Variants in ATG7 observed in about 807,000 individuals in gnomAD.
ATG7 encodes the protein ubiquitin-like modifier-activating enzyme ATG7.
A neutral mutation model predicts 82.4 loss-of-function variants in ATG7; 70 were observed. That is an observed-to-expected ratio of 0.85 (90% CI 0.70 to 1.04). ATG7 has a LOEUF of 1.04. Ranked by LOEUF, ATG7 falls within the 50% of genes least tolerant of loss-of-function variation. The pLI, the probability that ATG7 is intolerant of heterozygous loss-of-function variation, is 0.00. For synonymous variants in ATG7, 287 were observed against 313.0 expected (o/e 0.92, Z 0.88); for missense variants, 792 against 864.3 (o/e 0.92, Z 1.05).
intron 12 of ATG7, 33 bp downstream of exon 12, chr3:11,340,768 C>A: frequency 6.3e-7 from 1 of 1,583,440 alleles, no homozygotes; most frequent in East Asian, 2.3e-5. Flanking sequence ...TCCAGTCGGG[C>A]TTTTTGTAAC....
At chr3:11,413,897 C>A (rs2081141638) in intron 19 of ATG7, among the ~76,000 whole-genome samples, 1 of 152,194 alleles carries the variant, frequency 6.6e-6, no homozygotes, top group East Asian at 1.9e-4. Flanking sequence ...CTGATTCAAT[C>A]TCCTTATTGG....
At chr3:11,562,144 G>A (rs1013728716), downstream of ATG7, among the ~76,000 whole-genome samples, 3 of 151,886 alleles carry the variant, frequency 2.0e-5, no homozygotes, top group African/African-American at 7.3e-5. Context: ...GTGATCCGCC[G>A]CCTCAACCCC....
chr3:11,573,091 G>A, the ATG7 span, among the ~76,000 whole-genome samples: 31,791 of 151,218 alleles, frequency 0.21, 3,797 homozygotes, highest in South Asian at 0.3. Context: ...GGCTGAACCC[G>A]GGAGGCGGAG....
chr3:11,319,729 A>T (rs920655219), intron 9 of ATG7, among the ~76,000 whole-genome samples: 2 of 152,168 alleles, frequency 1.3e-5, no homozygotes, highest in African/African-American at 4.8e-5. Flanking sequence ...ACAAGCCAGA[A>T]ATCTGGTTAT....
chr3:11,369,712 T>C (rs1339079967), intron 18 of ATG7, among the ~76,000 whole-genome samples: 1 of 151,104 alleles, frequency 6.6e-6, no homozygotes, highest in African/African-American at 2.4e-5. Flanking sequence ...GGAGGATAAA[T>C]TATAATGTCA....
chr3:11,278,094 ACT>A (rs1194451879), intron 1 of ATG7, among the ~76,000 whole-genome samples: 1 of 152,026 alleles, frequency 6.6e-6, no homozygotes, highest in Non-Finnish European at 1.5e-5. Flanking sequence ...CCTGAAAATC[ACT>A]GTTATTCTGT....
chr3:11,558,610 G>A, downstream of ATG7: 2 of 1,606,968 alleles, frequency 1.2e-6, no homozygotes, highest in Non-Finnish European at 1.7e-6. Flanking sequence ...CAGAGGGGCT[G>A]GCGGGCTGGC....
At chr3:11,309,857 G>A (rs1305204638) in intron 7 of ATG7, among the ~76,000 whole-genome samples, 1 of 152,000 alleles carries the variant, frequency 6.6e-6, no homozygotes, top group Non-Finnish European at 1.5e-5. Flanking sequence ...ATATATTTAG[G>A]TGGTTTCTAA....
At chr3:11,320,708 G>T (rs1380685435) in intron 9 of ATG7, among the ~76,000 whole-genome samples, 1 of 152,238 alleles carries the variant, frequency 6.6e-6, no homozygotes, top group African/African-American at 2.4e-5. Context: ...GCATCCCATG[G>T]CATCATGCCT....
chr3:11,535,771 C>T (rs991034456), intron 20 of ATG7, among the ~76,000 whole-genome samples: 10 of 152,272 alleles, frequency 6.6e-5, no homozygotes, highest in Middle Eastern at 6.8e-3. Context: ...TCTCAATTCC[C>T]GCCTTCCCAA....
chr3:11,331,553 A>G, intron 10 of ATG7, 125 bp downstream of exon 10: 1 of 848,022 alleles, frequency 1.2e-6, no homozygotes, highest in East Asian at 2.5e-5. Flanking sequence ...GGGCATGGAA[A>G]CCAGGTAATC....
the ATG7 span, chr3:11,564,928 G>A: frequency 2.5e-6 from 4 of 1,592,068 alleles, no homozygotes; most frequent in Non-Finnish European, 3.4e-6. Flanking sequence ...TGGCTGCCGT[G>A]CAGGCTCATG....
chr3:11,483,595 G>A (rs1168689458), intron 20 of ATG7, among the ~76,000 whole-genome samples: 1 of 152,212 alleles, frequency 6.6e-6, no homozygotes, highest in Admixed American at 6.5e-5. Flanking sequence ...GAGGTACACA[G>A]AAAGCCCCCA....
intron 19 of ATG7, among the ~76,000 whole-genome samples, chr3:11,391,440 T>G (rs2078794552): frequency 1.3e-5 from 2 of 152,204 alleles, no homozygotes; most frequent in African/African-American, 4.8e-5. Context: ...CGACTTTAGA[T>G]GAGCTGGCAT....
intron 20 of ATG7, among the ~76,000 whole-genome samples, chr3:11,546,285 C>T (rs1247008670): frequency 6.8e-6 from 1 of 147,466 alleles, no homozygotes; most frequent in Non-Finnish European, 1.5e-5. Flanking sequence ...AATTTTCCTG[C>T]CTCAGCCTCC....
At chr3:11,477,317 C>T in intron 20 of ATG7, 1 of 1,186,028 alleles carries the variant, frequency 8.4e-7, no homozygotes, top group Non-Finnish European at 1.1e-6. Context: ...AATTTTTGTG[C>T]TACAAACTCC....
chr3:11,448,985 CAA>C (rs2084847282), intron 20 of ATG7, among the ~76,000 whole-genome samples: 1 of 152,186 alleles, frequency 6.6e-6, no homozygotes, highest in African/African-American at 2.4e-5. Flanking sequence ...AAATGTCACA[CAA>C]AGTCTGTATT....
chr3:11,339,695 A>G (rs1953196864), intron 11 of ATG7, among the ~76,000 whole-genome samples: 1 of 152,262 alleles, frequency 6.6e-6, no homozygotes, highest in South Asian at 2.1e-4. Flanking sequence ...ATTTTGCAAC[A>G]GTAGAATACA....
chr3:11,295,776 CTTTCTTTCTTTCTT>C (rs765233476), intron 3 of ATG7, among the ~76,000 whole-genome samples: 3 of 76,850 alleles, frequency 3.9e-5, no homozygotes, highest in Non-Finnish European at 6.8e-5. Context: ...TCTTTCTTTT[CTTTCTTTCTTTCTT>C]TTTTTTTTTT....
Sources: allele counts gnomAD v4.1 joint callset (sites outside exome capture counted in the v4.1 genomes callset), GRCh38; gene constraint gnomAD v4.1.1; transcripts MANE v1.5; gene names NCBI Gene and HGNC (gene_info 2026-07-23, HGNC 2026-07-21).